Variants in TAF5 observed in about 807,000 individuals in gnomAD.
The protein encoded by TAF5 is transcription initiation factor TFIID subunit 5.
A neutral mutation model predicts 80.9 loss-of-function variants in TAF5; 20 were observed. The ratio of observed to expected loss-of-function variants is 0.25; its 90% confidence interval spans 0.17 to 0.36. The LOEUF (loss-of-function observed/expected upper bound fraction) is 0.36, where lower values mean the gene tolerates loss of function less well. Among genes scored for constraint, TAF5 ranks in the 10% least tolerant of loss-of-function variants. The probability of loss-of-function intolerance (pLI) is 1.00; values close to 1 mark genes in which losing one functional copy is unlikely to be tolerated. For missense variants in TAF5, 863 were observed against 1,029.4 expected, an observed-to-expected ratio of 0.84 and a Z score of 2.21; for synonymous variants, 388 against 406.4, an observed-to-expected ratio of 0.95 and a Z score of 0.55.
At chr10:103,383,073 T>TA (rs1380174661) in intron 6 of TAF5, among the ~76,000 whole-genome samples, 165 bp from the exon 7 acceptor site, 2 of 152,224 alleles carry the variant, frequency 1.3e-5, no homozygotes, top group Non-Finnish European at 1.5e-5. Context: ...TTTCTTCTCT[T>TA]ACACGCTGAG....
chr10:103,373,825 G>A (rs960893572), intron 2 of TAF5, among the ~76,000 whole-genome samples: 1 of 152,162 alleles, frequency 6.6e-6, no homozygotes, highest in Non-Finnish European at 1.5e-5. Flanking sequence ...TTTGAGATCT[G>A]AAGATTAGGT....
rs781600128 is a variant in TAF5, at chr10:103,385,335, G to A, written c.1674G>A (p.Leu558=). 19 of 1,609,174 alleles carry A rather than the reference G, an allele frequency of 1.2e-5. No individual in the cohort carries two copies. The Admixed American group carries it at 1.8e-4, about 16-fold the overall frequency. ...CCTTCTCTTCTCTCAGGAACTATCT[G>A]CTTTCCTCTTCAGAGGACGGAACTG... is the stretch of plus-strand genomic sequence containing the variant. ...GASFSPDRNY[L]LSSSEDGTVR... The change falls in exon 8 of 11, where the codon CTG becomes CTA. Residue 558 remains leucine (L), a synonymous_variant. Transcript: ENST00000369839.
chr10:103,385,389 T>A lies in TAF5; in HGVS notation c.1728T>A (p.Thr576=), dbSNP rs777292756. 2 of 1,613,716 alleles carry A rather than the reference T, an allele frequency of 1.2e-6. No individual in the cohort carries two copies. Among genetic ancestry groups the A allele is most frequent in the South Asian group, 2.2e-5 (2 of 91,078 alleles). Residue 576 remains threonine, a synonymous_variant, in exon 8 of 11, where the codon ACT becomes ACA. Coordinates refer to ENST00000369839, the MANE Select transcript of TAF5 (RefSeq NM_006951.5). The part of the protein sequence containing the change: ...TVRLWSLQTF[T]CLVGYKGHNY... The stretch of plus-strand genomic sequence containing the variant: ...GATTGTGGAGCCTTCAAACATTTAC[T>A]TGTTTGGTGGGATATAAAGGACACA...
chr10:103,368,440 G>T lies in TAF5; in HGVS notation c.451G>T (p.Val151Leu). 1 of 1,581,308 alleles carries T rather than the reference G, an allele frequency of 6.3e-7. No homozygotes were observed. Reference sequence around the variant, plus strand: ...GGTGACCAGCGCGCTTCTCAGCCGGGTGACCGCCTCGGCCCCTGGCCCTGC... The same window carrying T: ...GGTGACCAGCGCGCTTCTCAGCCGGTTGACCGCCTCGGCCCCTGGCCCTGC... ...AEVTSALLSR[V>L]TASAPGPAAP... Residue 151 changes from valine to leucine, a missense_variant, in exon 1 of 11, where the codon GTG becomes TTG. Val to Leu is a conservative substitution (Grantham distance 32). This residue lies in a region of TAF5 where 367 missense variants were observed against 335.5 expected (regional missense o/e 1.09). Coordinates refer to ENST00000369839, the MANE Select transcript of TAF5 (RefSeq NM_006951.5).
chr10:103,379,677 A>G lies in TAF5; in HGVS notation c.1183A>G (p.Asn395Asp), dbSNP rs927357725. Residue 395 changes from asparagine (N) to aspartate (D), a missense_variant, in exon 4 of 11, where the codon AAT becomes GAT. Physicochemically the swap from Asn to Asp is conservative, Grantham distance 23 (BLOSUM62 1). Transcript: ENST00000369839. ...PLDDEDEEGE[N>D]EEGKPKKKKP... The stretch of plus-strand genomic sequence containing the variant: ...GGATGACGAGGATGAAGAGGGAGAA[A>G]ATGAAGAAGGAAAACCTAAAAAGAA... 1 of 1,609,780 alleles carries G rather than the reference A, an allele frequency of 6.2e-7. No homozygotes were observed. Among genetic ancestry groups the G allele is most frequent in the South Asian group, 1.1e-5 (1 of 89,268 alleles).
rs767784525 is a variant in TAF5 at position 103,388,196 on chromosome 10, A to G, written c.2376A>G (p.Leu792=). 3 of 1,613,974 alleles carry G rather than the reference A, an allele frequency of 1.9e-6. No homozygotes were observed. Among genetic ancestry groups the G allele is most frequent in the Non-Finnish European group, 2.5e-6 (3 of 1,179,966 alleles). The change falls in exon 11 of 11, where the codon CTA becomes CTG. Residue 792 remains leucine, a synonymous_variant. Transcript: ENST00000369839. The part of the protein sequence containing the change: ...HLHFTRRNLV[L]AAGAYSPQ ...ATTTTACTCGAAGAAACCTGGTTCT[A>G]GCTGCAGGAGCTTATAGTCCACAAT...
chr10:103,373,315 C>T (rs374704997), intron 1 of TAF5, 43 bp from the exon 2 acceptor site: 21 of 1,538,044 alleles, frequency 1.4e-5, no homozygotes, highest in Non-Finnish European at 1.8e-5. Context: ...GTCACATGGT[C>T]ATAATAGGTC....
chr10:103,379,987 A>G lies in TAF5; in HGVS notation c.1381A>G (p.Ile461Val). Residue 461 changes from isoleucine (I) to valine (V), a missense_variant, in exon 5 of 11, where the codon ATT becomes GTT. By Grantham distance (29) the Ile-to-Val change is conservative. Transcript: ENST00000369839. ...VRLGPDCLPS[I>V]CFYTFLNAYQ... The stretch of plus-strand genomic sequence containing the variant: ...CCTTGGGCCGGACTGCTTACCCTCC[A>G]TTTGTTTCTATACATTTCTCAATGC... 4 of 1,613,786 alleles carry G rather than the reference A, an allele frequency of 2.5e-6. No homozygotes were observed. In the East Asian group the frequency reaches 6.7e-5, roughly 27 times the overall value.
Position 103,379,871 on chromosome 10 carries a change from T to C in TAF5, c.1278-13T>C, listed in dbSNP as rs1324337611. ...AGTCAAAAGGTAATTTTGACTCTCT[T>C]TTTCTTTCACAGAATCCCTCTTCCT... On this transcript the variant is annotated splice_polypyrimidine_tract_variant and intron_variant, in intron 4 of 10. Coordinates refer to ENST00000369839, the MANE Select transcript of TAF5 (RefSeq NM_006951.5). 6.2e-7 allele frequency: 1 copy of C among 1,609,044 alleles called. No homozygotes were observed. Among genetic ancestry groups the C allele is most frequent in the Non-Finnish European group, 8.5e-7 (1 of 1,178,712 alleles).
At chr10:103,387,380 T>C (rs761144478) in intron 9 of TAF5, 28 bp downstream of exon 9, 2 of 1,574,354 alleles carry the variant, frequency 1.3e-6, no homozygotes, top group South Asian at 2.3e-5. Context: ...TATTCCAGCA[T>C]CCAAGGTTGC....
chr10:103,385,614 T>G, intron 8 of TAF5, 124 bp downstream of exon 8: 1 of 1,149,192 alleles, frequency 8.7e-7, no homozygotes, highest in South Asian at 1.5e-5. Context: ...TCTGAGAAGC[T>G]TTTGCATTTA....
At chr10:103,387,832 A>G (rs915725217) in intron 10 of TAF5, 134 bp downstream of exon 10, 4 of 1,115,036 alleles carry the variant, frequency 3.6e-6, no homozygotes, top group African/African-American at 1.6e-5. Flanking sequence ...TCCTACATCA[A>G]TCACTTCTCA....
At chr10:103,376,208 C>T (rs2133627626) in intron 2 of TAF5, among the ~76,000 whole-genome samples, 1 of 152,024 alleles carries the variant, frequency 6.6e-6, no homozygotes, top group South Asian at 2.1e-4. Context: ...TCTCCTGCCT[C>T]AGCCTCCCAA....
At chr10:103,382,655 T>G (rs1056719395) in intron 6 of TAF5, among the ~76,000 whole-genome samples, 3 of 151,880 alleles carry the variant, frequency 2.0e-5, no homozygotes, top group Non-Finnish European at 2.9e-5. Context: ...TTTTTAATTT[T>G]AAATTTTTTT....
intron 5 of TAF5, 111 bp downstream of exon 5, chr10:103,380,130 C>G (rs2093379152): frequency 2.4e-6 from 3 of 1,266,746 alleles, no homozygotes; most frequent in Non-Finnish European, 3.2e-6. Context: ...TATTTAAACT[C>G]CTTTTTTTTT....
At chr10:103,368,682 C>T in intron 1 of TAF5, 134 bp downstream of exon 1, 1 of 1,222,562 alleles carries the variant, frequency 8.2e-7, no homozygotes, top group Non-Finnish European at 1.1e-6. Context: ...ACATGCCCGC[C>T]CCTTTCTCTA....
chr10:103,368,693 G>C, intron 1 of TAF5, 145 bp downstream of exon 1: 1 of 1,149,478 alleles, frequency 8.7e-7, no homozygotes, highest in Non-Finnish European at 1.2e-6. Context: ...CCTTTCTCTA[G>C]TGCGCGGGCT....
chr10:103,372,970 C>A (rs921539320), intron 1 of TAF5, among the ~76,000 whole-genome samples: 4 of 151,384 alleles, frequency 2.6e-5, no homozygotes, highest in Non-Finnish European at 4.4e-5. Context: ...TTTGGGAGGC[C>A]GAGGCGGGAG....
Position 103,368,020 on chromosome 10 carries a change from G to A in TAF5, c.31G>A (p.Val11Met), listed in dbSNP as rs1482372657. Residue 11 changes from valine (V) to methionine (M), a missense_variant, in exon 1 of 11, where the codon GTG becomes ATG. Physicochemically the swap from Val to Met is conservative, Grantham distance 21 (BLOSUM62 1). Transcript: ENST00000369839. ...GGCGCTGGCGGAGGAGCAGACGGAG[G>A]TGGCGGTCAAGCTAGAGCCTGAGGG... is the stretch of plus-strand genomic sequence containing the variant. MAALAEEQTE[V>M]AVKLEPEGPP... 2.0e-5 allele frequency: 29 copies of A among 1,468,292 alleles called. No individual in the cohort carries two copies. Among genetic ancestry groups the A allele is most frequent in the Non-Finnish European group, 2.3e-5 (26 of 1,115,906 alleles). 91.0% of individuals were successfully genotyped at this position (1,468,292 alleles called of 1,614,324 possible).
Sources: gnomAD v4.1 joint callset for allele counts (sites outside exome capture counted in the v4.1 genomes callset) on GRCh38, gnomAD v4.1.1 for gene constraint, gnomAD v4.1.1 regional missense constraint, MANE v1.5 for transcripts, NCBI Gene and HGNC (gene_info 2026-07-23, HGNC 2026-07-21) for gene names.